Variants in FBXL17 observed in about 807,000 individuals in gnomAD.
The protein encoded by FBXL17 is F-box/LRR-repeat protein 17.
A neutral mutation model predicts 66.2 loss-of-function variants in FBXL17; 22 were observed. That is an observed-to-expected ratio of 0.33 (90% CI 0.24 to 0.47). The LOEUF (loss-of-function observed/expected upper bound fraction) is 0.47. Ranked by LOEUF, FBXL17 falls within the 20% of genes least tolerant of loss-of-function variation. The probability of loss-of-function intolerance (pLI) is 1.00; values close to 1 mark genes in which losing one functional copy is unlikely to be tolerated. For synonymous variants in FBXL17, 474 were observed against 400.5 expected (o/e 1.18, Z -2.19); for missense variants, 878 against 948.2 (o/e 0.93, Z 0.97).
chr5:108,299,711 C>G, intron 4 of FBXL17: 1 of 984,420 alleles, frequency 1.0e-6, no homozygotes, highest in Non-Finnish European at 1.2e-6. Flanking sequence ...TCCAGTAATG[C>G]CTGGGTCCCT....
At chr5:108,185,486 T>C (rs1245551289) in intron 6 of FBXL17, among the ~76,000 whole-genome samples, 2 of 152,210 alleles carry the variant, frequency 1.3e-5, no homozygotes, top group African/African-American at 4.8e-5. Flanking sequence ...CCATACTTCC[T>C]GTACAGCCTG....
At chr5:108,142,780 C>G (rs923645838) in intron 6 of FBXL17, among the ~76,000 whole-genome samples, 2 of 151,904 alleles carry the variant, frequency 1.3e-5, no homozygotes, top group Non-Finnish European at 2.9e-5. Context: ...AGTGGGCAAC[C>G]AAGTATTATG....
At chr5:108,026,253 G>C (rs547268711) in intron 6 of FBXL17, among the ~76,000 whole-genome samples, 1 of 152,054 alleles carries the variant, frequency 6.6e-6, no homozygotes, top group African/African-American at 2.4e-5. Flanking sequence ...CTAAGTAATA[G>C]GACATCTTAA....
At chr5:107,948,871 A>C (rs1751401059) in intron 7 of FBXL17, among the ~76,000 whole-genome samples, 1 of 152,228 alleles carries the variant, frequency 6.6e-6, no homozygotes, top group Non-Finnish European at 1.5e-5. Flanking sequence ...ATGAGTGTTA[A>C]CTATTTGAAA....
intron 6 of FBXL17, among the ~76,000 whole-genome samples, chr5:108,089,736 A>C (rs1749118922): frequency 6.6e-6 from 1 of 152,240 alleles, no homozygotes; most frequent in Non-Finnish European, 1.5e-5. Context: ...GAGGTTCCTG[A>C]CAAACTGCCT....
intron 3 of FBXL17, among the ~76,000 whole-genome samples, chr5:108,358,927 C>T (rs186544177): frequency 1.6e-3 from 246 of 152,000 alleles, no homozygotes; most frequent in Non-Finnish European, 2.6e-3. Flanking sequence ...TGCTATATTG[C>T]CCTAGCTGGA....
At chr5:108,216,680 G>GTTAT (rs1754611736) in intron 5 of FBXL17, among the ~76,000 whole-genome samples, 1 of 152,076 alleles carries the variant, frequency 6.6e-6, no homozygotes, top group Admixed American at 6.6e-5. Flanking sequence ...GCCTTAGGTA[G>GTTAT]ATAACAAGGG....
intron 4 of FBXL17, among the ~76,000 whole-genome samples, chr5:108,289,834 C>T: frequency 6.6e-6 from 1 of 152,102 alleles, no homozygotes; most frequent in East Asian, 1.9e-4. Flanking sequence ...TATCATGTGA[C>T]TTACAGTATG....
At chr5:108,298,958 A>G in intron 4 of FBXL17, 6 of 961,432 alleles carry the variant, frequency 6.2e-6, no homozygotes, top group Non-Finnish European at 7.4e-6. Context: ...AGTTTCATAT[A>G]TAGTGCCAGC....
intron 4 of FBXL17, among the ~76,000 whole-genome samples, chr5:108,307,458 C>T (rs1032652078): frequency 6.6e-6 from 1 of 152,046 alleles, no homozygotes; most frequent in East Asian, 1.9e-4. Context: ...TGGCATGTGT[C>T]GCCATAGCCA....
intron 1 of FBXL17, among the ~76,000 whole-genome samples, chr5:108,376,616 A>G (rs983137332): frequency 1.3e-5 from 2 of 152,148 alleles, no homozygotes; most frequent in Non-Finnish European, 2.9e-5. Flanking sequence ...CATGTTTATA[A>G]TAGCAGTTTG....
intron 7 of FBXL17, among the ~76,000 whole-genome samples, chr5:107,895,671 A>T (rs1389048316): frequency 6.6e-6 from 1 of 152,138 alleles, no homozygotes; most frequent in Non-Finnish European, 1.5e-5. Context: ...TAGGTATTGT[A>T]AATGATTCTA....
chr5:108,287,354 T>C (rs926685934), intron 4 of FBXL17, among the ~76,000 whole-genome samples: 4 of 152,088 alleles, frequency 2.6e-5, no homozygotes, highest in African/African-American at 9.7e-5. Flanking sequence ...AGAAAATATT[T>C]GCAAACTATG....
intron 5 of FBXL17, among the ~76,000 whole-genome samples, chr5:108,193,751 T>C (rs1021977096): frequency 6.6e-6 from 1 of 152,156 alleles, no homozygotes; most frequent in East Asian, 1.9e-4. Context: ...AAATAGGACT[T>C]ACAGGGTCTT....
intron 7 of FBXL17, among the ~76,000 whole-genome samples, chr5:107,894,344 C>T (rs1197342884): frequency 1.6e-4 from 24 of 152,196 alleles, no homozygotes; most frequent in Non-Finnish European, 2.1e-4. Context: ...GAAACTAAAT[C>T]AGCTAATTCC....
chr5:108,280,300 A>G (rs970278677), intron 4 of FBXL17, among the ~76,000 whole-genome samples: 1 of 152,182 alleles, frequency 6.6e-6, no homozygotes. Flanking sequence ...CTTACAGACC[A>G]GAAGAAAATG....
intron 6 of FBXL17, among the ~76,000 whole-genome samples, chr5:108,131,022 C>A (rs1750913480): frequency 6.6e-6 from 1 of 152,038 alleles, no homozygotes; most frequent in Admixed American, 6.5e-5. Context: ...ACATAGTTTT[C>A]ATATACATCT....
chr5:108,213,727 C>T (rs528554637), intron 5 of FBXL17, among the ~76,000 whole-genome samples: 1 of 152,264 alleles, frequency 6.6e-6, no homozygotes, highest in East Asian at 1.9e-4. Context: ...AGAGCTGTTC[C>T]TATTCAGCCA....
At chr5:108,164,675 T>A (rs1027180019) in intron 6 of FBXL17, among the ~76,000 whole-genome samples, 1 of 152,220 alleles carries the variant, frequency 6.6e-6, no homozygotes, top group African/African-American at 2.4e-5. Context: ...TTCTAAGTAC[T>A]TCACATGTAC....
Sources: allele counts gnomAD v4.1 joint callset (sites outside exome capture counted in the v4.1 genomes callset), GRCh38; gene constraint gnomAD v4.1.1; transcripts MANE v1.5; gene names NCBI Gene and HGNC (gene_info 2026-07-23, HGNC 2026-07-21).